Variants in USH2A observed in about 807,000 individuals in gnomAD.
The protein encoded by USH2A is usherin.
Under a neutral mutation model 538.9 loss-of-function variants are expected in USH2A, and 443 were observed. The observed-to-expected ratio is 0.82, with a 90% CI of 0.76 to 0.89. The LOEUF (loss-of-function observed/expected upper bound fraction) is 0.89, where lower values mean the gene tolerates loss of function less well. Among genes scored for constraint, USH2A ranks in the 40% least tolerant of loss-of-function variants. The pLI is 0.00. For synonymous variants in USH2A, 2,413 were observed against 2,273.5 expected, an observed-to-expected ratio of 1.06 and a Z score of -1.75; for missense variants, 6,633 against 6,324.8, an observed-to-expected ratio of 1.05 and a Z score of -1.65.
chr1:215,842,741 A>G (rs1351422356), intron 46 of USH2A, among the ~76,000 whole-genome samples: 1 of 152,048 alleles, frequency 6.6e-6, no homozygotes, highest in Non-Finnish European at 1.5e-5. Flanking sequence ...GTTCTCACTT[A>G]TAAGTAGGAG....
At chr1:216,117,404 T>C (rs1438218788) in intron 21 of USH2A, among the ~76,000 whole-genome samples, 2 of 152,206 alleles carry the variant, frequency 1.3e-5, no homozygotes, top group Non-Finnish European at 2.9e-5. Flanking sequence ...TAAATCTTTA[T>C]ATATAACTGA....
At chr1:216,123,886 T>C (rs1366696248) in intron 21 of USH2A, among the ~76,000 whole-genome samples, 1 of 152,080 alleles carries the variant, frequency 6.6e-6, no homozygotes, top group Non-Finnish European at 1.5e-5. Flanking sequence ...TAGAACCTAG[T>C]CATACATTTT....
intron 18 of USH2A, among the ~76,000 whole-genome samples, chr1:216,197,512 T>C (rs1316411106): frequency 6.6e-6 from 1 of 152,138 alleles, no homozygotes; most frequent in African/African-American, 2.4e-5. Flanking sequence ...CTGGTAGTCA[T>C]TAAGAGATGC....
At chr1:216,298,562 T>A (rs1468896706) in intron 9 of USH2A, among the ~76,000 whole-genome samples, 1 of 152,210 alleles carries the variant, frequency 6.6e-6, no homozygotes, top group Non-Finnish European at 1.5e-5. Context: ...AAACTACTTG[T>A]TATTGAAAAT....
intron 32 of USH2A, among the ~76,000 whole-genome samples, chr1:216,016,894 A>G (rs1034019428): frequency 2.0e-5 from 3 of 151,306 alleles, no homozygotes; most frequent in Admixed American, 2.0e-4. Flanking sequence ...GAGGTAAGGG[A>G]GAACCCTTAT....
rs139323633 is a variant in USH2A, at chr1:216,198,058, T to A, written c.4081+257A>T. Among the ~76,000 whole-genome samples, 810 of 152,202 alleles carry A rather than the reference T, an allele frequency of 5.3e-3. 6 individuals carry two copies. Among genetic ancestry groups the A allele is most frequent in the African/African-American group, 0.018 (768 of 41,520 alleles). On this transcript the variant is annotated intron_variant, in intron 18 of 71. Transcript: ENST00000307340. ...TTTGACAAACATTCCCAGAAGACTATAACTATAGTTAAGCCATTTTCGCCC... is the reference window on the plus strand; with the variant it reads ...TTTGACAAACATTCCCAGAAGACTAAAACTATAGTTAAGCCATTTTCGCCC...
intron 14 of USH2A, among the ~76,000 whole-genome samples, chr1:216,221,324 T>C (rs2035454244): frequency 6.6e-6 from 1 of 152,170 alleles, no homozygotes; most frequent in South Asian, 2.1e-4. Context: ...GTTCACAGAA[T>C]TCGGTGAGTG....
chr1:215,938,400 C>T (rs1666558120), intron 37 of USH2A, among the ~76,000 whole-genome samples: 1 of 152,064 alleles, frequency 6.6e-6, no homozygotes, highest in South Asian at 2.1e-4. Context: ...AATTTGGGCT[C>T]CTCAATATGG....
chr1:216,162,685 A>G (rs1199931332), intron 21 of USH2A, among the ~76,000 whole-genome samples: 1 of 152,086 alleles, frequency 6.6e-6, no homozygotes, highest in Non-Finnish European at 1.5e-5. Context: ...TTCCTAAAGC[A>G]TGGGAATTTA....
At chr1:216,404,978 G>T (rs2039369003) in intron 3 of USH2A, among the ~76,000 whole-genome samples, 1 of 147,486 alleles carries the variant, frequency 6.8e-6, no homozygotes, top group Non-Finnish European at 1.5e-5. Context: ...GAGCTCAACT[G>T]ATTCTCCCAC....
intron 4 of USH2A, among the ~76,000 whole-genome samples, chr1:216,342,126 C>G (rs999346884): frequency 5.3e-5 from 8 of 152,064 alleles, no homozygotes; most frequent in African/African-American, 1.9e-4. Flanking sequence ...CCAGAATCTG[C>G]AAGGAACTTA....
chr1:216,250,568 A>G (rs1421716540), intron 12 of USH2A, among the ~76,000 whole-genome samples: 5 of 152,210 alleles, frequency 3.3e-5, no homozygotes, highest in Non-Finnish European at 5.9e-5. Context: ...CATTAAGTGT[A>G]AAACATTTTG....
At chr1:216,097,909 T>C (rs12093058) in intron 21 of USH2A, among the ~76,000 whole-genome samples, 95,029 of 148,126 alleles carry the variant, frequency 0.64, 31,159 homozygotes, top group African/African-American at 0.7. Context: ...ATGAATGATG[T>C]CACCCCCCTA....
intron 9 of USH2A, among the ~76,000 whole-genome samples, chr1:216,296,389 C>T (rs1367342142): frequency 6.6e-6 from 1 of 151,948 alleles, no homozygotes; most frequent in Non-Finnish European, 1.5e-5. Context: ...TCTCAGAGTA[C>T]TCTATTAATA....
chr1:215,650,782 G>T lies in USH2A; in HGVS notation c.14153C>A (p.Ala4718Glu), dbSNP rs201631375. The T allele has an allele frequency of 4.3e-6, 7 of 1,610,872 alleles. No homozygotes were observed. The highest frequency in any genetic ancestry group is 5.1e-6 in the Non-Finnish European group (6 of 1,179,574). The part of the protein sequence containing the change: ...YEYQVWAVNS[A>E]GKAPSSWTWC... Reference sequence around the variant, plus strand: ...TGTCCAGCTACTGGGGGCTTTTCCTGCAGAATTCACTGCCCAGACCTCCAA... The same window carrying T: ...TGTCCAGCTACTGGGGGCTTTTCCTTCAGAATTCACTGCCCAGACCTCCAA... The change falls in exon 65 of 72, where the codon GCA becomes GAA. Residue 4718 changes from alanine to glutamate, a missense_variant. Transcript: ENST00000307340.
chr1:215,845,515 TC>T (rs2102822793), intron 45 of USH2A, among the ~76,000 whole-genome samples: 1 of 152,014 alleles, frequency 6.6e-6, no homozygotes, highest in Admixed American at 6.5e-5. Flanking sequence ...TGAGGGCAAA[TC>T]TTAAAAAAAA....
At chr1:215,808,975 G>C (rs1662580036) in intron 49 of USH2A, among the ~76,000 whole-genome samples, 1 of 152,054 alleles carries the variant, frequency 6.6e-6, no homozygotes, top group Non-Finnish European at 1.5e-5. Context: ...TAGAATTCAG[G>C]AGACAGTTGG....
chr1:216,337,746 A>G (rs73100622), intron 4 of USH2A, among the ~76,000 whole-genome samples: 6,986 of 151,416 alleles, frequency 0.046, 361 homozygotes, highest in African/African-American at 0.12. Context: ...TTTGCAAATT[A>G]CATGGTTTTC....
chr1:216,084,531 C>T (rs2032058137), intron 25 of USH2A, among the ~76,000 whole-genome samples, 167 bp downstream of exon 25: 1 of 152,104 alleles, frequency 6.6e-6, no homozygotes, highest in African/African-American at 2.4e-5. Context: ...ATTTATATTG[C>T]ATATTCAGAT....
Sources: gnomAD v4.1 joint callset for allele counts (sites outside exome capture counted in the v4.1 genomes callset) on GRCh38, gnomAD v4.1.1 for gene constraint, MANE v1.5 for transcripts, NCBI Gene and HGNC (gene_info 2026-07-23, HGNC 2026-07-21) for gene names.